Variants in NIPAL1 observed in about 807,000 individuals in gnomAD.
NIPAL1 encodes NIPA like domain containing 1, also known as magnesium transporter NIPA3.
NIPAL1 carries 35 observed loss-of-function variants against 37.7 expected under a neutral mutation model. That is an observed-to-expected ratio of 0.93 (90% CI 0.71 to 1.23). The LOEUF is 1.23. Among genes scored for constraint, NIPAL1 ranks in the 50% most tolerant of loss-of-function variants. NIPAL1 has a pLI of 0.00. For synonymous variants in NIPAL1, 162 were observed against 183.0 expected (o/e 0.89, Z 0.93); for missense variants, 412 against 473.9 (o/e 0.87, Z 1.21).
rs1253545299 is a variant in NIPAL1 at position 48,039,943 on chromosome 4, TA to T, written c.*3776del. On this transcript the variant is annotated 3_prime_UTR_variant, in exon 6 of 6. Coordinates refer to ENST00000295461, the MANE Select transcript of NIPAL1 (RefSeq NM_207330.3). ...CAACACCAATACAAAATTATTCCAA[TA>T]AAAATATTTTTCTTAATAAAACCAG... 6.6e-6 allele frequency: 1 copy of T among 152,164 alleles called. No individual in the cohort carries two copies. The highest frequency in any genetic ancestry group is 1.5e-5 in the Non-Finnish European group (1 of 68,016). 9.4% of individuals were successfully genotyped at this position (152,164 alleles called of 1,614,324 possible). A position where few individuals can be genotyped will look rare whatever the true frequency, so the allele number is the denominator to read the frequency against.
At chr4:48,030,969 TG>T (rs1436818855) in intron 3 of NIPAL1, among the ~76,000 whole-genome samples, 4 of 152,212 alleles carry the variant, frequency 2.6e-5, no homozygotes, top group Non-Finnish European at 5.9e-5. Flanking sequence ...CTTTAATAAA[TG>T]GTGGAATCTA....
At chr4:48,017,768 A>G (rs1715471182) in intron 1 of NIPAL1, among the ~76,000 whole-genome samples, 1 of 152,144 alleles carries the variant, frequency 6.6e-6, no homozygotes, top group African/African-American at 2.4e-5. Flanking sequence ...GCAGCTTTTT[A>G]ATTTACCTGA....
Position 48,039,478 on chromosome 4 carries a change from A to G in NIPAL1, c.*3306A>G, listed in dbSNP as rs1258406174. On this transcript the variant is annotated 3_prime_UTR_variant, in exon 6 of 6. Coordinates refer to ENST00000295461, the MANE Select transcript of NIPAL1 (RefSeq NM_207330.3). ...TACTTTGTCATCATGTACATATCTT[A>G]AGATTTATTATGTGAATATCTGCAT... 6.6e-6 allele frequency: 1 copy of G among 152,218 alleles called. No individual in the cohort carries two copies. The highest frequency in any genetic ancestry group is 1.5e-5 in the Non-Finnish European group (1 of 68,034). 9.4% of individuals were successfully genotyped at this position (152,218 alleles called of 1,614,324 possible). A position where few individuals can be genotyped will look rare whatever the true frequency, so the allele number is the denominator to read the frequency against.
In NIPAL1 at chr4:48,039,431, G is replaced by T. The variant is rs1206074576; in HGVS notation, c.*3259G>T. On this transcript the variant is annotated 3_prime_UTR_variant, in exon 6 of 6. Transcript: ENST00000295461. ...ATATTCAGACTATTAGTCTTAACTGGTAGTTTATGTATATATTTTAATACT... is the reference window on the plus strand; with the variant it reads ...ATATTCAGACTATTAGTCTTAACTGTTAGTTTATGTATATATTTTAATACT... The T allele has an allele frequency of 2.6e-5, 4 of 152,026 alleles. No individual in the cohort carries two copies. Among genetic ancestry groups the T allele is most frequent in the Non-Finnish European group, 5.9e-5 (4 of 68,004 alleles). The allele number at this position is 152,026 out of a possible 1,614,324, so 9.4% of individuals were successfully genotyped here.
At chr4:48,034,644 C>T (rs1052048542) in intron 4 of NIPAL1, among the ~76,000 whole-genome samples, 1 of 152,136 alleles carries the variant, frequency 6.6e-6, no homozygotes, top group Non-Finnish European at 1.5e-5. Flanking sequence ...TGTAAGATCA[C>T]TGGAAGATTA....
chr4:48,018,526 C>T (rs1453890040), intron 1 of NIPAL1, among the ~76,000 whole-genome samples: 11 of 152,196 alleles, frequency 7.2e-5, no homozygotes, highest in Non-Finnish European at 8.8e-5. Flanking sequence ...TGTAACTTAG[C>T]TTCCTTGAGC....
intron 3 of NIPAL1, among the ~76,000 whole-genome samples, chr4:48,030,378 C>T (rs1340880023): frequency 6.6e-6 from 1 of 152,036 alleles, no homozygotes; most frequent in Non-Finnish European, 1.5e-5. Flanking sequence ...TTTCCCACCC[C>T]CTGTGCTCTC....
chr4:48,017,671 C>T (rs1019949055), intron 1 of NIPAL1, among the ~76,000 whole-genome samples: 1 of 151,936 alleles, frequency 6.6e-6, no homozygotes, highest in African/African-American at 2.4e-5. Context: ...ACAGAAGGCC[C>T]CGATAAAAGT....
rs1364604838 is a variant in NIPAL1 at position 48,027,867 on chromosome 4, T to TCCAAA, written c.314-2251_314-2247dup. Among the ~76,000 whole-genome samples, 2 of 152,236 alleles carry TCCAAA rather than the reference T, an allele frequency of 1.3e-5. No homozygotes were observed. Among genetic ancestry groups the TCCAAA allele is most frequent in the African/African-American group, 4.8e-5 (2 of 41,470 alleles). ...TGCTTGTTATTCTCTCATTGACTAA[T>TCCAAA]CCAAACTCTCAAAAGCTCTTATGTC... On this transcript the variant is annotated intron_variant, in intron 2 of 5. Coordinates refer to ENST00000295461, the MANE Select transcript of NIPAL1 (RefSeq NM_207330.3). This position sits in a 1 kb window ranked among gnomAD's most constrained non-coding sequence, Gnocchi z 4.1.
rs1267248954 is a variant in NIPAL1, at chr4:48,037,245, T to C, written c.*1073T>C. On this transcript the variant is annotated 3_prime_UTR_variant, in exon 6 of 6. Transcript: ENST00000295461. ...TCAGATAAAGGAAAAAGTTTTCTTC[T>C]CACAAAAACACAGACACGTGATTGT... 4.6e-6 allele frequency: 2 copies of C among 433,404 alleles called. No homozygotes were observed. The highest frequency in any genetic ancestry group is 7.2e-5 in the East Asian group (1 of 13,810). The allele number at this position is 433,404 out of a possible 1,614,324, so 26.8% of individuals were successfully genotyped here.
Position 48,025,414 on chromosome 4 carries a change from T to A in NIPAL1, c.313+80T>A. 3.0e-6 allele frequency: 4 copies of A among 1,336,012 alleles called. No individual in the cohort carries two copies. In the East Asian group the frequency reaches 6.9e-5, roughly 23 times the overall value. 82.8% of individuals were successfully genotyped at this position (1,336,012 alleles called of 1,614,324 possible). A position where few individuals can be genotyped will look rare whatever the true frequency, so the allele number is the denominator to read the frequency against. ...AGGCCACATCTCAGCAATACTCTTA[T>A]AAACTTGCTTGTGTAATTATAGTTA... On this transcript the variant is annotated intron_variant, in intron 2 of 5. Coordinates refer to ENST00000295461, the MANE Select transcript of NIPAL1 (RefSeq NM_207330.3).
In NIPAL1 at chr4:48,040,072, A is replaced by T. The variant is rs1235282404; in HGVS notation, c.*3900A>T. ...AATATTTTGAATAAACTGTTCATGA[A>T]GCCTTATATTTTGCAAGTGTTTTTA... On this transcript the variant is annotated 3_prime_UTR_variant, in exon 6 of 6. Transcript: ENST00000295461. 1 of 152,196 alleles carries T rather than the reference A, an allele frequency of 6.6e-6. No individual in the cohort carries two copies. Among genetic ancestry groups the T allele is most frequent in the Non-Finnish European group, 1.5e-5 (1 of 68,030 alleles). 9.4% of individuals were successfully genotyped at this position (152,196 alleles called of 1,614,324 possible).
intron 1 of NIPAL1, among the ~76,000 whole-genome samples, chr4:48,019,580 C>G (rs1372409763): frequency 6.6e-6 from 1 of 152,148 alleles, no homozygotes; most frequent in African/African-American, 2.4e-5. Flanking sequence ...GTAACAGGCT[C>G]AGGAACAGCT....
intron 1 of NIPAL1, among the ~76,000 whole-genome samples, chr4:48,017,267 G>A (rs959675861): frequency 6.6e-6 from 1 of 152,160 alleles, no homozygotes; most frequent in Admixed American, 6.5e-5. Context: ...AGAGTCTGCG[G>A]CCGACGTCAC....
At chr4:48,035,190 C>T in intron 5 of NIPAL1, 149 bp downstream of exon 5, 1 of 707,568 alleles carries the variant, frequency 1.4e-6, no homozygotes, top group Non-Finnish European at 2.4e-6. Context: ...TATTATTTCT[C>T]CTGAAAAGAT....
intron 3 of NIPAL1, among the ~76,000 whole-genome samples, chr4:48,032,560 C>T (rs1715845094): frequency 6.6e-6 from 1 of 152,178 alleles, no homozygotes; most frequent in South Asian, 2.1e-4. Context: ...TACCTACACA[C>T]CAGATTTAAC....
Position 48,035,760 on chromosome 4 carries a change from C to A in NIPAL1, c.821C>A (p.Pro274Gln). 6.2e-7 allele frequency: 1 copy of A among 1,614,106 alleles called. No individual in the cohort carries two copies. Among genetic ancestry groups the A allele is most frequent in the Non-Finnish European group, 8.5e-7 (1 of 1,179,970 alleles). Residue 274 changes from proline to glutamine, a missense_variant, in exon 6 of 6, where the codon CCG becomes CAG. By Grantham distance (76) the Pro-to-Gln change is moderately conservative. Transcript: ENST00000295461. ...LIEWKPVYKH[P>Q]LVFVLLAVLV... ...GAATGGAAGCCAGTTTACAAACATC[C>A]GCTGGTCTTTGTTTTGCTGGCTGTA...
intron 1 of NIPAL1, among the ~76,000 whole-genome samples, chr4:48,018,615 A>T (rs1328741554): frequency 2.0e-5 from 3 of 152,110 alleles, no homozygotes; most frequent in African/African-American, 7.2e-5. Flanking sequence ...TTACATATGA[A>T]CTACACCACT....
chr4:48,021,015 T>C (rs535110462), intron 1 of NIPAL1, among the ~76,000 whole-genome samples: 1 of 152,332 alleles, frequency 6.6e-6, no homozygotes, highest in Admixed American at 6.5e-5. Flanking sequence ...ATTTCATCCT[T>C]ATATAAACAT....
Sources: allele counts gnomAD v4.1 joint callset (sites outside exome capture counted in the v4.1 genomes callset), GRCh38; gene constraint gnomAD v4.1.1; non-coding constraint Gnocchi (gnomAD v3.1); transcripts MANE v1.5; gene names NCBI Gene and HGNC (gene_info 2026-07-23, HGNC 2026-07-21).